Variants in HTR4 observed in about 807,000 individuals in gnomAD.
HTR4 encodes 5-hydroxytryptamine (serotonin) receptor 4, G protein-coupled.
In HTR4, 16 loss-of-function variants were observed where a neutral mutation model predicts 36.8. That is an observed-to-expected ratio of 0.43 (90% CI 0.29 to 0.66). The LOEUF is 0.66. HTR4 is among the 30% of genes least tolerant of loss of function. HTR4 has a pLI of 0.13. For missense variants in HTR4, 438 were observed against 490.9 expected (o/e 0.89, Z 1.02); for synonymous variants, 189 against 185.1 (o/e 1.02, Z -0.17).
chr5:148,485,025 G>A (rs1756084577), intron 6 of HTR4, among the ~76,000 whole-genome samples: 1 of 152,080 alleles, frequency 6.6e-6, no homozygotes, highest in Non-Finnish European at 1.5e-5. Flanking sequence ...GAAGGAGGAA[G>A]GAAGGAAGAA....
At chr5:148,592,997 C>T (rs940195132) in intron 2 of HTR4, among the ~76,000 whole-genome samples, 1 of 152,140 alleles carries the variant, frequency 6.6e-6, no homozygotes, top group Non-Finnish European at 1.5e-5. Flanking sequence ...CATAATGTCT[C>T]ATGGCTGTCT....
intron 4 of HTR4, among the ~76,000 whole-genome samples, chr5:148,537,249 G>A (rs1054610913): frequency 6.6e-6 from 1 of 151,966 alleles, no homozygotes; most frequent in African/African-American, 2.4e-5. Flanking sequence ...GTATTGAGAG[G>A]AAATTCATAG....
chr5:148,484,332 T>C, intron 6 of HTR4: 2 of 1,613,434 alleles, frequency 1.2e-6, no homozygotes, highest in Non-Finnish European at 1.7e-6. Context: ...TCTGGCAGGC[T>C]TTGTCCAATA....
chr5:148,476,566 G>A (rs1755702777), downstream of HTR4: 3 of 1,430,682 alleles, frequency 2.1e-6, no homozygotes, highest in African/African-American at 1.4e-5. Flanking sequence ...ATTTGGGACT[G>A]AAGGGGCAAA....
intron 2 of HTR4, among the ~76,000 whole-genome samples, chr5:148,595,007 AC>A (rs1561640150): frequency 6.6e-6 from 1 of 152,170 alleles, no homozygotes; most frequent in East Asian, 1.9e-4. Context: ...AAAAACAAAC[AC>A]ATAAAAGATA....
downstream of HTR4, among the ~76,000 whole-genome samples, chr5:148,473,640 A>C (rs914415654): frequency 6.6e-6 from 1 of 152,148 alleles, no homozygotes; most frequent in Admixed American, 6.5e-5. Flanking sequence ...GTGTTTGTTC[A>C]GTGGCCATTG....
In HTR4 at chr5:148,556,021, G is replaced by GTTAT. The variant is rs1295236602; in HGVS notation, c.27-5763_27-5760dup. Among the ~76,000 whole-genome samples the GTTAT allele has an allele frequency of 2.6e-5, 4 of 151,404 alleles. No individual in the cohort carries two copies. The South Asian group carries it at 6.3e-4, about 24-fold the overall frequency. On this transcript the variant is annotated intron_variant, in intron 2 of 6. Coordinates refer to ENST00000377888, the MANE Select transcript of HTR4 (RefSeq NM_000870.7). Reference sequence around the variant, plus strand: ...TGGAGAGTCAAGAACATTTTTTGTTGTTATTTATTTATTTATTTTTGAGAC... The same window carrying GTTAT: ...TGGAGAGTCAAGAACATTTTTTGTTGTTATTTATTTATTTATTTATTTTTGAGAC...
At chr5:148,652,467 A>T (rs1293171046) in intron 1 of HTR4, among the ~76,000 whole-genome samples, 5 of 152,134 alleles carry the variant, frequency 3.3e-5, no homozygotes, top group African/African-American at 1.2e-4. Flanking sequence ...GGGGAAGGAG[A>T]TGAGGAGATG....
intron 2 of HTR4, among the ~76,000 whole-genome samples, chr5:148,608,041 A>C (rs1246683685): frequency 1.3e-5 from 2 of 152,170 alleles, no homozygotes; most frequent in Non-Finnish European, 2.9e-5. Context: ...GGACTATCTA[A>C]CTGCAACTGT....
intron 2 of HTR4, among the ~76,000 whole-genome samples, chr5:148,562,959 A>G (rs76312977): frequency 0.016 from 2,395 of 152,274 alleles, 64 homozygotes; most frequent in East Asian, 0.14. Context: ...CCCTGCTTCC[A>G]TCATTTCTCA....
chr5:148,532,988 G>A (rs1166564634), intron 4 of HTR4, among the ~76,000 whole-genome samples: 3 of 152,144 alleles, frequency 2.0e-5, no homozygotes, highest in Non-Finnish European at 2.9e-5. Context: ...GTTAGGCTAG[G>A]AGGAGTTACC....
intron 2 of HTR4, among the ~76,000 whole-genome samples, chr5:148,576,554 A>T (rs1581498753): frequency 6.6e-6 from 1 of 152,134 alleles, no homozygotes; most frequent in African/African-American, 2.4e-5. Flanking sequence ...GCATCATGTT[A>T]CCTGACTTCA....
At chr5:148,615,728 A>G (rs1304478798) in intron 2 of HTR4, among the ~76,000 whole-genome samples, 1 of 151,700 alleles carries the variant, frequency 6.6e-6, no homozygotes, top group Non-Finnish European at 1.5e-5. Flanking sequence ...AAAATAAAAT[A>G]AAATAAAATA....
chr5:148,523,831 T>A (rs114355700), intron 4 of HTR4, among the ~76,000 whole-genome samples: 1 of 152,322 alleles, frequency 6.6e-6, no homozygotes, highest in African/African-American at 2.4e-5. Context: ...GAGGAGCCTC[T>A]GCCCAGCCCT....
chr5:148,482,011 T>A lies in HTR4; in HGVS notation c.*1192A>T. The A allele has an allele frequency of 1.0e-6, 1 of 997,432 alleles. No individual in the cohort carries two copies. The highest frequency in any genetic ancestry group is 4.6e-5 in the South Asian group (1 of 21,940). 61.8% of individuals were successfully genotyped at this position (997,432 alleles called of 1,614,324 possible). A position where few individuals can be genotyped will look rare whatever the true frequency, so the allele number is the denominator to read the frequency against. ...TAGAAACAGAAAGAAAACTTAAAGG[T>A]CCTCTAGTCCAAGCTTGAGTGCACA... On this transcript the variant is annotated 3_prime_UTR_variant, in exon 7 of 7. Coordinates refer to ENST00000377888, the MANE Select transcript of HTR4 (RefSeq NM_000870.7).
chr5:148,640,568 T>C (rs757000596), intron 1 of HTR4, among the ~76,000 whole-genome samples: 1 of 152,208 alleles, frequency 6.6e-6, no homozygotes, highest in Non-Finnish European at 1.5e-5. Flanking sequence ...ACACAGGGAA[T>C]GCCAGTGTCC....
At chr5:148,479,101 C>A (rs564480748), downstream of HTR4, among the ~76,000 whole-genome samples, 1 of 152,106 alleles carries the variant, frequency 6.6e-6, no homozygotes. Flanking sequence ...AATGCCTCCT[C>A]GTGGTTTGTG....
intron 4 of HTR4, among the ~76,000 whole-genome samples, chr5:148,540,444 ATAT>A (rs1759063408): frequency 3.6e-5 from 4 of 111,480 alleles, no homozygotes; most frequent in Non-Finnish European, 7.9e-5. Flanking sequence ...ATATATATAT[ATAT>A]AATCTTATAT....
At chr5:148,490,162 TATAC>T (rs1355237047) in intron 6 of HTR4, among the ~76,000 whole-genome samples, 1 of 148,162 alleles carries the variant, frequency 6.7e-6, no homozygotes, top group African/African-American at 2.5e-5. Flanking sequence ...TAATATATAA[TATAC>T]ATATACATAT....
Sources: allele counts gnomAD v4.1 joint callset (sites outside exome capture counted in the v4.1 genomes callset), GRCh38; gene constraint gnomAD v4.1.1; transcripts MANE v1.5; gene names NCBI Gene and HGNC (gene_info 2026-07-23, HGNC 2026-07-21).